Variants in CUX2 observed in about 807,000 individuals in gnomAD.
CUX2 encodes homeobox protein cut-like 2.
Under a neutral mutation model 144.8 loss-of-function variants are expected in CUX2, and 40 were observed. That is an observed-to-expected ratio of 0.28 (90% confidence interval 0.21 to 0.36). The LOEUF is 0.36. CUX2 is among the 10% of genes least tolerant of loss of function. The pLI, the probability that CUX2 is intolerant of heterozygous loss-of-function variation, is 1.00. For missense variants in CUX2, 1,615 were observed against 1,994.0 expected (o/e 0.81, Z 3.62); for synonymous variants, 827 against 875.6 (o/e 0.94, Z 0.98).
chr12:111,278,646 G>A (rs1335644301), intron 4 of CUX2, among the ~76,000 whole-genome samples: 6 of 152,224 alleles, frequency 3.9e-5, no homozygotes, highest in Admixed American at 3.9e-4. Context: ...ACCCAGGGAA[G>A]GAAGGGAAGA....
At chr12:111,055,382 C>T (rs1309977989) in intron 1 of CUX2, among the ~76,000 whole-genome samples, 1 of 152,236 alleles carries the variant, frequency 6.6e-6, no homozygotes. Context: ...ACCCTGGGAC[C>T]CTCGGGCCAG....
intron 1 of CUX2, among the ~76,000 whole-genome samples, chr12:111,193,579 C>G (rs1005699708): frequency 6.6e-6 from 1 of 152,204 alleles, no homozygotes; most frequent in African/African-American, 2.4e-5. Flanking sequence ...AATTGTAACG[C>G]CGGCCGCACA....
At chr12:111,273,028 G>T (rs895643087) in intron 4 of CUX2, among the ~76,000 whole-genome samples, 1 of 152,192 alleles carries the variant, frequency 6.6e-6, no homozygotes, top group African/African-American at 2.4e-5. Flanking sequence ...CTGAGTGCTT[G>T]CTATGTGCCT....
At chr12:111,201,275 TCA>T (rs1880569393) in intron 1 of CUX2, among the ~76,000 whole-genome samples, 1 of 152,108 alleles carries the variant, frequency 6.6e-6, no homozygotes, top group Non-Finnish European at 1.5e-5. Context: ...GCCTCTAGGC[TCA>T]GTCTCTTGCC....
intron 4 of CUX2, among the ~76,000 whole-genome samples, chr12:111,266,507 A>C (rs1047199960): frequency 4.0e-5 from 6 of 151,764 alleles, no homozygotes; most frequent in African/African-American, 1.2e-4. Context: ...GGGTACAGAG[A>C]TAGCCACTGA....
At chr12:111,128,733 G>T (rs977767523) in intron 1 of CUX2, among the ~76,000 whole-genome samples, 2 of 152,132 alleles carry the variant, frequency 1.3e-5, no homozygotes, top group African/African-American at 4.8e-5. Context: ...GATGATATAG[G>T]GCCTTGCTCT....
chr12:111,055,462 G>A lies in CUX2; in HGVS notation c.63+21222G>A, dbSNP rs375411295. ...TCCTCTTCAGCCTCTGCAAGCAAGGGGGTTGGTCCCACGGCCCTTGGCCTA... is the reference window on the plus strand; with the variant it reads ...TCCTCTTCAGCCTCTGCAAGCAAGGAGGTTGGTCCCACGGCCCTTGGCCTA... On this transcript the variant is annotated intron_variant, in intron 1 of 21. Coordinates refer to ENST00000261726, the MANE Select transcript of CUX2 (RefSeq NM_015267.4). Among the ~76,000 whole-genome samples, 7 of 152,398 alleles carry A rather than the reference G, an allele frequency of 4.6e-5. No individual in the cohort carries two copies. In the East Asian group the frequency reaches 1.2e-3, roughly 25 times the overall value.
intron 18 of CUX2, among the ~76,000 whole-genome samples, chr12:111,332,286 C>T (rs1400065366): frequency 7.3e-6 from 1 of 137,762 alleles, no homozygotes; most frequent in African/African-American, 3.2e-5. Flanking sequence ...GCATGTGCCA[C>T]CATGCCCAGC....
intron 18 of CUX2, among the ~76,000 whole-genome samples, chr12:111,329,437 C>T (rs940579417): frequency 1.1e-4 from 17 of 152,050 alleles, no homozygotes; most frequent in Non-Finnish European, 1.5e-4. Context: ...TCGTCAGAAG[C>T]GATTCTCAGT....
intron 4 of CUX2, among the ~76,000 whole-genome samples, chr12:111,284,113 C>T (rs967977184): frequency 6.6e-6 from 1 of 152,178 alleles, no homozygotes; most frequent in South Asian, 2.1e-4. Flanking sequence ...GCATCAAGTT[C>T]AACCCTGAGG....
chr12:111,308,874 T>G (rs3847952), intron 14 of CUX2, among the ~76,000 whole-genome samples: 65,461 of 151,952 alleles, frequency 0.43, 18,801 homozygotes, highest in East Asian at 0.89. Context: ...TGGGGAGCAG[T>G]AGGCTGCGGA....
At chr12:111,217,807 G>C (rs1592849749) in intron 2 of CUX2, 83 bp from the exon 3 acceptor site, 1 of 1,418,656 alleles carries the variant, frequency 7.0e-7, no homozygotes, top group Non-Finnish European at 1.0e-6. Context: ...TGCTGAGCCA[G>C]GGACAGCAGC....
intron 21 of CUX2, among the ~76,000 whole-genome samples, chr12:111,343,710 T>C (rs1056191981): frequency 1.3e-5 from 2 of 152,266 alleles, no homozygotes. Flanking sequence ...CTAATACCTA[T>C]CCCACAATGC....
At chr12:111,260,593 G>A (rs1261157499) in intron 3 of CUX2, among the ~76,000 whole-genome samples, 2 of 152,134 alleles carry the variant, frequency 1.3e-5, no homozygotes, top group Admixed American at 1.3e-4. Context: ...GTAGCACATG[G>A]ACCGGTGGCT....
At position 111,335,885 on chromosome 12, in the gene CUX2, G is replaced by A. The variant is rs907524675; in HGVS notation, c.3196+1175G>A. ...CATGCCATTGCACTCCAGCCTGGACGACAGAGGAAGACCTTGTCTCTAAAA... is the reference window on the plus strand; with the variant it reads ...CATGCCATTGCACTCCAGCCTGGACAACAGAGGAAGACCTTGTCTCTAAAA... On this transcript the variant is annotated intron_variant, in intron 19 of 21. Transcript: ENST00000261726. Among the ~76,000 whole-genome samples the A allele has an allele frequency of 4.0e-4, 60 of 151,572 alleles. 2 individuals carry two copies. Among genetic ancestry groups the A allele is most frequent in the Admixed American group, 2.2e-3 (34 of 15,188 alleles).
intron 1 of CUX2, among the ~76,000 whole-genome samples, chr12:111,185,397 A>G (rs1023375045): frequency 1.3e-5 from 2 of 152,204 alleles, no homozygotes; most frequent in African/African-American, 4.8e-5. Context: ...TCGATAAGCA[A>G]TGGCAGCTCT....
chr12:111,312,077 C>G lies in CUX2; in HGVS notation c.1901-23C>G, dbSNP rs1238395014. On this transcript the variant is annotated intron_variant, in intron 15 of 21. Transcript: ENST00000261726. This position sits in a 1 kb window ranked among gnomAD's most constrained non-coding sequence, Gnocchi z 4.3. ...TGAGCCCAACATGCAGATCCTGCCA[C>G]AGATGCCTTCTTGCCTCCCCAGGCA... 6.3e-7 allele frequency: 1 copy of G among 1,597,522 alleles called. No individual in the cohort carries two copies. Among genetic ancestry groups the G allele is most frequent in the Non-Finnish European group, 8.6e-7 (1 of 1,167,640 alleles).
chr12:111,186,626 G>A lies in CUX2; in HGVS notation c.64-27574G>A, dbSNP rs1276162139. The stretch of plus-strand genomic sequence containing the variant: ...GCACAGAGGCAGGGTCCCTGGGCTC[G>A]CCTTCAGCGCCGCCATCTGCCAGCT... On this transcript the variant is annotated intron_variant, in intron 1 of 21. Coordinates refer to ENST00000261726, the MANE Select transcript of CUX2 (RefSeq NM_015267.4). The surrounding 1 kb of genome is among the most constrained non-coding windows in gnomAD (Gnocchi z 4.4). Among the ~76,000 whole-genome samples the A allele has an allele frequency of 1.3e-5, 2 of 152,184 alleles. No homozygotes were observed. The highest frequency in any genetic ancestry group is 2.4e-5 in the African/African-American group (1 of 41,452).
intron 1 of CUX2, among the ~76,000 whole-genome samples, chr12:111,124,743 G>A (rs1336951644): frequency 6.6e-6 from 1 of 152,164 alleles, no homozygotes; most frequent in Non-Finnish European, 1.5e-5. Context: ...CATCACCCAG[G>A]TAATGAGTGT....
Sources: gnomAD v4.1 joint callset for allele counts (sites outside exome capture counted in the v4.1 genomes callset) on GRCh38, gnomAD v4.1.1 for gene constraint, Gnocchi (gnomAD v3.1) non-coding constraint, MANE v1.5 for transcripts, NCBI Gene and HGNC (gene_info 2026-07-23, HGNC 2026-07-21) for gene names.